The following TSHZ3 variants were observed in gnomAD, a reference collection of about 807,000 sequenced individuals.
TSHZ3 encodes the protein teashirt homolog 3.
TSHZ3 carries 10 observed loss-of-function variants against 64.5 expected under a neutral mutation model. The observed-to-expected ratio is 0.16, with a 90% CI of 0.10 to 0.26. The LOEUF (loss-of-function observed/expected upper bound fraction) is 0.26, where lower values mean the gene tolerates loss of function less well. Among genes scored for constraint, TSHZ3 ranks in the 10% least tolerant of loss-of-function variants. The probability of loss-of-function intolerance (pLI) is 1.00; values close to 1 mark genes in which losing one functional copy is unlikely to be tolerated. For missense variants in TSHZ3, 1,242 were observed against 1,421.7 expected (o/e 0.87, Z 2.03); for synonymous variants, 608 against 593.1 (o/e 1.03, Z -0.36).
intron 3 of TSHZ3, among the ~76,000 whole-genome samples, chr19:31,230,264 T>C (rs1202034095): frequency 6.6e-6 from 1 of 152,136 alleles, no homozygotes; most frequent in African/African-American, 2.4e-5. Context: ...TATAGTTAAA[T>C]GGGGAAAAAA....
chr19:31,349,760 G>A (rs1348219139), upstream of TSHZ3, among the ~76,000 whole-genome samples: 1 of 148,178 alleles, frequency 6.7e-6, no homozygotes, highest in African/African-American at 2.5e-5. Context: ...GGCATCCGGG[G>A]GGACGCGCAG....
At chr19:31,312,810 C>T (rs1916497915) in intron 1 of TSHZ3, among the ~76,000 whole-genome samples, 2 of 152,156 alleles carry the variant, frequency 1.3e-5, no homozygotes, top group African/African-American at 4.8e-5. Context: ...TTTAACACCT[C>T]CCCAACACTT....
At chr19:31,258,199 A>G (rs1975937376) in intron 1 of TSHZ3, among the ~76,000 whole-genome samples, 1 of 152,268 alleles carries the variant, frequency 6.6e-6, no homozygotes, top group African/African-American at 2.4e-5. Context: ...GTCCCTGTCC[A>G]TCATTGGTTG....
In TSHZ3 at chr19:31,341,609, A is replaced by ACT. The variant is rs140397780; in HGVS notation, c.40+7569_40+7570dup. ...TCTGTTCACCTGCTAGCATGCACTC[A>ACT]CTCTCTCTCTCTCTCTCTCTGACAC... On this transcript the variant is annotated intron_variant, in intron 1 of 1. Coordinates refer to ENST00000240587, the MANE Select transcript of TSHZ3 (RefSeq NM_020856.4). 1.4e-3 allele frequency among the ~76,000 whole-genome samples: 189 copies of ACT among 135,958 alleles called. 3 individuals carry two copies. The South Asian group carries it at 0.032, about 23-fold the overall frequency. The allele number at this position is 135,958 out of a possible 152,430, so 89.2% of individuals were successfully genotyped here. A position where few individuals can be genotyped will look rare whatever the true frequency, so the allele number is the denominator to read the frequency against.
chr19:31,200,648 T>A (rs528420891), intron 5 of TSHZ3, among the ~76,000 whole-genome samples: 2 of 152,298 alleles, frequency 1.3e-5, no homozygotes, highest in East Asian at 3.9e-4. Flanking sequence ...TACTACGATG[T>A]TGCATACTCA....
chr19:31,235,540 G>A (rs1975596494), intron 3 of TSHZ3, among the ~76,000 whole-genome samples: 1 of 151,630 alleles, frequency 6.6e-6, no homozygotes, highest in Non-Finnish European at 1.5e-5. Flanking sequence ...TCCAATGTGT[G>A]TATGTGTGTG....
chr19:31,272,505 G>T (rs1291999988), downstream of TSHZ3, among the ~76,000 whole-genome samples: 1 of 152,102 alleles, frequency 6.6e-6, no homozygotes, highest in African/African-American at 2.4e-5. Flanking sequence ...CAGGGAGATT[G>T]GGTCCTCATC....
rs187319490 is a variant in TSHZ3, at chr19:31,166,030, G to T, written n.810-9613C>A. On this transcript the variant is annotated intron_variant and non_coding_transcript_variant, in intron 5 of 6. Transcript: ENST00000651361. ...GGGATTTAGTGTTACCCCAAGGAAG[G>T]CAAGAGAGGCTGTCTGTCCATTAAA... is the stretch of plus-strand genomic sequence containing the variant. 3.9e-5 allele frequency among the ~76,000 whole-genome samples: 6 copies of T among 152,296 alleles called. No homozygotes were observed. The East Asian group carries it at 1.2e-3, about 29-fold the overall frequency.
At chr19:31,208,231 G>A (rs1351369461) in intron 4 of TSHZ3, among the ~76,000 whole-genome samples, 1 of 152,198 alleles carries the variant, frequency 6.6e-6, no homozygotes, top group African/African-American at 2.4e-5. Flanking sequence ...AATTAACAAG[G>A]GGTCCTGGAA....
At chr19:31,321,937 C>T (rs1372868900) in intron 1 of TSHZ3, among the ~76,000 whole-genome samples, 1 of 151,964 alleles carries the variant, frequency 6.6e-6, no homozygotes. Context: ...CCCATCAACC[C>T]ATCACCTACA....
chr19:31,224,445 G>T (rs1975432157), intron 4 of TSHZ3, among the ~76,000 whole-genome samples: 1 of 152,188 alleles, frequency 6.6e-6, no homozygotes. Context: ...AATCACGTTG[G>T]TATTCTGAAG....
Position 31,259,928 on chromosome 19 carries a change from T to C in TSHZ3, n.64-17053A>G, listed in dbSNP as rs538239747. Among the ~76,000 whole-genome samples, 14 of 152,234 alleles carry C rather than the reference T, an allele frequency of 9.2e-5. No individual in the cohort carries two copies. In the South Asian group the frequency reaches 1.7e-3, roughly 18 times the overall value. ...CCAGGTCTCTTGTGGGACCAAAATATCACTGATGGGACAGATGTGGGCCCA... is the reference window on the plus strand; with the variant it reads ...CCAGGTCTCTTGTGGGACCAAAATACCACTGATGGGACAGATGTGGGCCCA... On this transcript the variant is annotated intron_variant and non_coding_transcript_variant, in intron 1 of 6. Transcript: ENST00000651361.
At chr19:31,230,129 A>G (rs767566752) in intron 3 of TSHZ3, among the ~76,000 whole-genome samples, 11 of 152,220 alleles carry the variant, frequency 7.2e-5, no homozygotes, top group Non-Finnish European at 1.5e-4. Flanking sequence ...AAAGCAAAAA[A>G]TTAAAAACAA....
intron 1 of TSHZ3, among the ~76,000 whole-genome samples, chr19:31,303,453 G>T (rs1976787928): frequency 6.6e-6 from 1 of 152,110 alleles, no homozygotes; most frequent in African/African-American, 2.4e-5. Flanking sequence ...AAGGTGGAGG[G>T]CTCAGCTCAT....
chr19:31,168,424 T>G (rs1200203633), intron 5 of TSHZ3, among the ~76,000 whole-genome samples: 1 of 152,246 alleles, frequency 6.6e-6, no homozygotes, highest in Non-Finnish European at 1.5e-5. Flanking sequence ...TTCTAGCATA[T>G]GTGCTCAAAA....
chr19:31,159,708 T>C (rs942927974), intron 5 of TSHZ3, among the ~76,000 whole-genome samples: 2 of 152,134 alleles, frequency 1.3e-5, no homozygotes, highest in African/African-American at 4.8e-5. Context: ...TTTCTTTTTT[T>C]TTCAGATAGG....
chr19:31,205,071 G>A (rs535944201), exon 5 of TSHZ3, among the ~76,000 whole-genome samples: 3 of 152,158 alleles, frequency 2.0e-5, no homozygotes, highest in Non-Finnish European at 4.4e-5. Flanking sequence ...CTGGACTCTA[G>A]TTGTATCCTG....
chr19:31,235,223 T>C (rs1002842446), intron 3 of TSHZ3, among the ~76,000 whole-genome samples: 11 of 152,202 alleles, frequency 7.2e-5, no homozygotes, highest in Non-Finnish European at 1.5e-4. Flanking sequence ...TTAATTCTCT[T>C]AGCAAATTTC....
At chr19:31,170,421 G>A (rs1224031754) in intron 5 of TSHZ3, among the ~76,000 whole-genome samples, 7 of 152,146 alleles carry the variant, frequency 4.6e-5, no homozygotes, top group Non-Finnish European at 5.9e-5. Context: ...ATTCCATCAT[G>A]TTGAGGTGTA....
Sources: gnomAD v4.1 joint callset for allele counts (sites outside exome capture counted in the v4.1 genomes callset) on GRCh38, gnomAD v4.1.1 for gene constraint, MANE v1.5 for transcripts, NCBI Gene and HGNC (gene_info 2026-07-23, HGNC 2026-07-21) for gene names.